ADGRE3: variants seen among roughly 807,000 people sequenced by gnomAD.
ADGRE3 encodes EGF-like module receptor 3.
In ADGRE3, 88 loss-of-function variants were observed where a neutral mutation model predicts 80.1. The observed-to-expected ratio is 1.10, with a 90% CI of 0.93 to 1.31. The LOEUF (loss-of-function observed/expected upper bound fraction) is 1.31. Among genes scored for constraint, ADGRE3 ranks in the 40% most tolerant of loss-of-function variants. The probability of loss-of-function intolerance (pLI) is 0.00; values close to 1 mark genes in which losing one functional copy is unlikely to be tolerated. For synonymous variants in ADGRE3, 281 were observed against 294.8 expected (o/e 0.95, Z 0.48); for missense variants, 715 against 776.5 (o/e 0.92, Z 0.94).
chr19:14,642,084 G>A, intron 9 of ADGRE3, among the ~76,000 whole-genome samples: 1 of 152,164 alleles, frequency 6.6e-6, no homozygotes, highest in East Asian at 1.9e-4. Flanking sequence ...TTTCAGTATT[G>A]CAAGATGAAA....
intron 10 of ADGRE3, among the ~76,000 whole-genome samples, chr19:14,640,976 A>G (rs1034569033): frequency 6.6e-6 from 1 of 152,264 alleles, no homozygotes; most frequent in East Asian, 1.9e-4. Context: ...TCTTGGGTAT[A>G]TCTTTATCAG....
intron 9 of ADGRE3, among the ~76,000 whole-genome samples, chr19:14,643,240 G>C (rs996736411): frequency 6.7e-6 from 1 of 150,066 alleles, no homozygotes; most frequent in African/African-American, 2.5e-5. Flanking sequence ...CTGCCTCCCA[G>C]GTTCAAGCAA....
intron 2 of ADGRE3, among the ~76,000 whole-genome samples, chr19:14,667,218 G>A (rs1310173846): frequency 6.6e-6 from 1 of 152,136 alleles, no homozygotes; most frequent in Non-Finnish European, 1.5e-5. Context: ...GGAGCAGACG[G>A]AAATTTTTTG....
the ADGRE3 span, among the ~76,000 whole-genome samples, chr19:14,603,706 T>G: frequency 1.3e-5 from 2 of 152,072 alleles, no homozygotes; most frequent in African/African-American, 4.8e-5. Flanking sequence ...TCTCAAGTGA[T>G]CTGCTCCCCT....
intron 13 of ADGRE3, among the ~76,000 whole-genome samples, chr19:14,631,171 C>T (rs555841678): frequency 1.4e-3 from 215 of 152,034 alleles, no homozygotes; most frequent in African/African-American, 4.8e-3. Context: ...CCCACCCGGC[C>T]GGGGTCATAT....
chr19:14,609,834 T>C, the ADGRE3 span, among the ~76,000 whole-genome samples: 1 of 141,906 alleles, frequency 7.0e-6, no homozygotes, highest in Non-Finnish European at 1.5e-5. Context: ...TGAGACTCTG[T>C]CTCCAAAACA....
chr19:14,618,839 T>A (rs1216780043), downstream of ADGRE3, among the ~76,000 whole-genome samples: 1 of 44,750 alleles, frequency 2.2e-5, no homozygotes. Flanking sequence ...AGAGCGAAAC[T>A]CCATCTCAAA....
At chr19:14,648,909 G>A (rs73506169) in intron 7 of ADGRE3, among the ~76,000 whole-genome samples, 4,589 of 151,764 alleles carry the variant, frequency 0.03, 216 homozygotes, top group African/African-American at 0.11. Context: ...GACTCTCCTC[G>A]TCCCTCCTCA....
At chr19:14,654,172 C>T (rs1971683969) in intron 6 of ADGRE3, among the ~76,000 whole-genome samples, 1 of 151,380 alleles carries the variant, frequency 6.6e-6, no homozygotes, top group Non-Finnish European at 1.5e-5. Flanking sequence ...AGGCTGATCT[C>T]AAACTACTGG....
chr19:14,648,226 C>G (rs1971470717), intron 7 of ADGRE3, among the ~76,000 whole-genome samples: 5 of 152,094 alleles, frequency 3.3e-5, no homozygotes, highest in Admixed American at 3.3e-4. Flanking sequence ...GGTGGGCACC[C>G]TGGCTCGAAT....
the ADGRE3 span, among the ~76,000 whole-genome samples, chr19:14,607,657 T>G: frequency 6.6e-6 from 1 of 151,612 alleles, no homozygotes; most frequent in East Asian, 1.9e-4. Flanking sequence ...CTCACTGTAA[T>G]CTCTGTCTCC....
In ADGRE3 at chr19:14,654,839, C is replaced by T. The variant is rs528649396; in HGVS notation, c.577+143G>A. 16 of 612,624 alleles carry T rather than the reference C, an allele frequency of 2.6e-5. No individual in the cohort carries two copies. In the South Asian group the frequency reaches 3.5e-4, roughly 14 times the overall value. The allele number at this position is 612,624 out of a possible 1,614,324, so 37.9% of individuals were successfully genotyped here. ...CTCCCTGTCACTCTAGATAAGTTTG[C>T]GTTTTCTAGAATTTATATAAATTTT... On this transcript the variant is annotated intron_variant, in intron 6 of 15. Coordinates refer to ENST00000253673, the MANE Select transcript of ADGRE3 (RefSeq NM_032571.5).
chr19:14,626,252 C>T lies in ADGRE3; in HGVS notation c.1813-653G>A, dbSNP rs148589884. Among the ~76,000 whole-genome samples, 1,354 of 151,872 alleles carry T rather than the reference C, an allele frequency of 8.9e-3. 13 individuals carry two copies. The highest frequency in any genetic ancestry group is 0.031 in the African/African-American group (1,281 of 41,404). Reference sequence around the variant, plus strand: ...GAGATTGAGACCATTCTGGCTAACACGGTGAAACCCTGTCTCTACTAAAAA... The same window carrying T: ...GAGATTGAGACCATTCTGGCTAACATGGTGAAACCCTGTCTCTACTAAAAA... On this transcript the variant is annotated intron_variant, in intron 14 of 15. Transcript: ENST00000253673.
chr19:14,648,193 C>T (rs1971469274), intron 7 of ADGRE3, among the ~76,000 whole-genome samples: 1 of 151,622 alleles, frequency 6.6e-6, no homozygotes, highest in South Asian at 2.1e-4. Context: ...TAATCTATTT[C>T]TTCCTACAAA....
At chr19:14,601,212 T>C in the ADGRE3 span, among the ~76,000 whole-genome samples, 1 of 152,104 alleles carries the variant, frequency 6.6e-6, no homozygotes, top group Non-Finnish European at 1.5e-5. Context: ...TAGGAGGGGT[T>C]ACTTTATGCT....
intron 8 of ADGRE3, 117 bp downstream of exon 8, chr19:14,647,064 T>A: frequency 1.4e-6 from 1 of 706,826 alleles, no homozygotes. Context: ...TAGCGACAGG[T>A]GCTCCTGACT....
At chr19:14,663,163 C>A (rs377529397) in intron 3 of ADGRE3, among the ~76,000 whole-genome samples, 2 of 151,770 alleles carry the variant, frequency 1.3e-5, no homozygotes, top group Non-Finnish European at 2.9e-5. Flanking sequence ...ACACCATGCC[C>A]GGCAAATTTT....
At chr19:14,607,466 G>T in the ADGRE3 span, among the ~76,000 whole-genome samples, 2 of 151,886 alleles carry the variant, frequency 1.3e-5, no homozygotes, top group Non-Finnish European at 2.9e-5. Flanking sequence ...GCCTCCCAAA[G>T]TGCTGGGATT....
rs1047547590 is a variant in ADGRE3 at position 14,638,053 on chromosome 19, C to T, written c.1484+52G>A. ...CCACCATCATCATGAATGCTGCCCT[C>T]AAAAGCTTTCTTAGGAAACTGTCCA... is the stretch of plus-strand genomic sequence containing the variant. On this transcript the variant is annotated intron_variant, in intron 11 of 15. Transcript: ENST00000253673. 6 of 1,385,804 alleles carry T rather than the reference C, an allele frequency of 4.3e-6. No homozygotes were observed. In the African/African-American group the frequency reaches 5.7e-5, roughly 13 times the overall value. 85.8% of individuals were successfully genotyped at this position (1,385,804 alleles called of 1,614,324 possible). A position where few individuals can be genotyped will look rare whatever the true frequency, so the allele number is the denominator to read the frequency against.
Sources: allele counts gnomAD v4.1 joint callset (sites outside exome capture counted in the v4.1 genomes callset), GRCh38; gene constraint gnomAD v4.1.1; transcripts MANE v1.5; gene names NCBI Gene and HGNC (gene_info 2026-07-23, HGNC 2026-07-21).